The following NAALADL2 variants were observed in gnomAD, a reference collection of about 807,000 sequenced individuals.
The protein encoded by NAALADL2 is N-acetylated alpha-linked acidic dipeptidase like 2, also known as inactive N-acetylated-alpha-linked acidic dipeptidase-like protein 2.
A neutral mutation model predicts 87.2 loss-of-function variants in NAALADL2; 76 were observed. That is an observed-to-expected ratio of 0.87 (90% CI 0.72 to 1.05). The LOEUF is 1.05. Ranked by LOEUF, NAALADL2 falls within the 50% of genes least tolerant of loss-of-function variation. The probability of loss-of-function intolerance (pLI) is 0.00; values close to 1 mark genes in which losing one functional copy is unlikely to be tolerated. For synonymous variants in NAALADL2, 354 were observed against 331.0 expected (o/e 1.07, Z -0.75); for missense variants, 1,089 against 945.8 (o/e 1.15, Z -1.99).
At chr3:175,395,914 CT>C (rs1340223064) in intron 5 of NAALADL2, among the ~76,000 whole-genome samples, 1 of 152,158 alleles carries the variant, frequency 6.6e-6, no homozygotes, top group Non-Finnish European at 1.5e-5. Context: ...TGAACTGCTT[CT>C]CTTCTAGTTC....
Position 174,950,846 on chromosome 3 carries a change from G to T in NAALADL2, c.43+91396G>T, listed in dbSNP as rs186735934. On this transcript the variant is annotated intron_variant, in intron 1 of 13. Transcript: ENST00000454872. ...AATTAAGGAGCTTACAAAATAATTT[G>T]TAATTTAATTTCATTTGAATCAAAT... Among the ~76,000 whole-genome samples the T allele has an allele frequency of 2.1e-3, 324 of 152,182 alleles. 1 individual carries two copies. Among genetic ancestry groups the T allele is most frequent in the Admixed American group, 0.019 (287 of 15,276 alleles).
At chr3:174,467,486 G>A (rs993727728) in intron 1 of NAALADL2, among the ~76,000 whole-genome samples, 1 of 151,242 alleles carries the variant, frequency 6.6e-6, no homozygotes, top group African/African-American at 2.4e-5. Context: ...CCAGCTACTC[G>A]GGAAGCTGAA....
At position 175,265,478 on chromosome 3, in the gene NAALADL2, G is replaced by A. The variant is rs73881453; in HGVS notation, c.939+8948G>A. On this transcript the variant is annotated intron_variant, in intron 4 of 13. Coordinates refer to ENST00000454872, the MANE Select transcript of NAALADL2 (RefSeq NM_207015.3). Reference sequence around the variant, plus strand: ...ACTATATATATGGCTCTAAGTTCTCGCTCATTTTCTCTTTTTGTCTGACTG... The same window carrying A: ...ACTATATATATGGCTCTAAGTTCTCACTCATTTTCTCTTTTTGTCTGACTG... Among the ~76,000 whole-genome samples, 454 of 151,518 alleles carry A rather than the reference G, an allele frequency of 3.0e-3. 3 individuals are homozygous for A. Among genetic ancestry groups the A allele is most frequent in the Middle Eastern group, 0.024 (7 of 294 alleles).
At chr3:175,567,010 A>T (rs1226497741) in intron 9 of NAALADL2, among the ~76,000 whole-genome samples, 1 of 152,152 alleles carries the variant, frequency 6.6e-6, no homozygotes, top group African/African-American at 2.4e-5. Flanking sequence ...CTACAATTTT[A>T]TGATTTAGAT....
chr3:175,220,367 A>G (rs986982124), intron 2 of NAALADL2, among the ~76,000 whole-genome samples: 1 of 151,812 alleles, frequency 6.6e-6, no homozygotes, highest in African/African-American at 2.4e-5. Flanking sequence ...AGGATATAAT[A>G]TTATAATTAA....
chr3:175,423,372 C>A (rs372709339), intron 5 of NAALADL2, among the ~76,000 whole-genome samples: 6 of 150,648 alleles, frequency 4.0e-5, no homozygotes, highest in African/African-American at 1.5e-4. Context: ...CCCATTAACT[C>A]GTCATTTAAC....
intron 11 of NAALADL2, among the ~76,000 whole-genome samples, chr3:175,710,568 G>A (rs1297082819): frequency 2.0e-5 from 3 of 147,860 alleles, no homozygotes; most frequent in Non-Finnish European, 4.4e-5. Context: ...ATTTATATAT[G>A]TGTAAATACG....
In NAALADL2 at chr3:175,281,340, T is replaced by C. The variant is rs75809125; in HGVS notation, c.939+24810T>C. On this transcript the variant is annotated intron_variant, in intron 4 of 13. Transcript: ENST00000454872. ...CCAGTTAAGGTTTAATTGCCTCTTA[T>C]AGTAATATTTTCCATGTATAAGATT... Among the ~76,000 whole-genome samples the C allele has an allele frequency of 8.7e-3, 1,325 of 152,006 alleles. 23 individuals carry two copies. The highest frequency in any genetic ancestry group is 0.03 in the African/African-American group (1,254 of 41,530).
intron 9 of NAALADL2, among the ~76,000 whole-genome samples, chr3:175,552,272 G>A (rs1714535602): frequency 6.6e-6 from 1 of 152,008 alleles, no homozygotes; most frequent in African/African-American, 2.4e-5. Flanking sequence ...CTTTATTAGA[G>A]GTGTCTAAAA....
chr3:174,811,360 G>A (rs1720181604), intron 3 of NAALADL2, among the ~76,000 whole-genome samples: 1 of 152,158 alleles, frequency 6.6e-6, no homozygotes, highest in African/African-American at 2.4e-5. Flanking sequence ...ACCCTGTAAA[G>A]CCACAGGGAT....
chr3:175,150,348 T>C (rs1731365865), intron 2 of NAALADL2, among the ~76,000 whole-genome samples: 1 of 152,158 alleles, frequency 6.6e-6, no homozygotes, highest in African/African-American at 2.4e-5. Flanking sequence ...ACTGTCAGAT[T>C]TTGTACCATT....
intron 11 of NAALADL2, among the ~76,000 whole-genome samples, chr3:175,709,788 C>G (rs188328539): frequency 1.3e-5 from 2 of 152,154 alleles, no homozygotes; most frequent in African/African-American, 4.8e-5. Context: ...AACCCCCAAA[C>G]AGCCTGTTTC....
At position 175,044,531 on chromosome 3, in the gene NAALADL2, A is replaced by G. The variant is rs115224289; in HGVS notation, c.44-52259A>G. 2.6e-3 allele frequency among the ~76,000 whole-genome samples: 395 copies of G among 152,276 alleles called. 1 individual carries two copies. Among genetic ancestry groups the G allele is most frequent in the African/African-American group, 8.8e-3 (364 of 41,568 alleles). ...TATTCCTGGTAAACTATTAATCATA[A>G]AAGTTTTGAGCTGCCACATAAAACA... On this transcript the variant is annotated intron_variant, in intron 1 of 13. Coordinates refer to ENST00000454872, the MANE Select transcript of NAALADL2 (RefSeq NM_207015.3).
chr3:175,273,169 C>T (rs1264841197), intron 4 of NAALADL2, among the ~76,000 whole-genome samples: 1 of 151,834 alleles, frequency 6.6e-6, no homozygotes, highest in Non-Finnish European at 1.5e-5. Flanking sequence ...TTATAATTTG[C>T]CTCTAGGTTT....
At chr3:174,897,173 T>C (rs1411280950) in intron 1 of NAALADL2, among the ~76,000 whole-genome samples, 2 of 152,094 alleles carry the variant, frequency 1.3e-5, no homozygotes, top group African/African-American at 4.8e-5. Context: ...AATTGAATCA[T>C]GTCAAGTTAA....
chr3:175,076,386 G>C (rs1309835281), intron 1 of NAALADL2, among the ~76,000 whole-genome samples: 1 of 149,722 alleles, frequency 6.7e-6, no homozygotes, highest in Non-Finnish European at 1.5e-5. Context: ...GTTCTTAAAA[G>C]GGGCAGAGAC....
intron 1 of NAALADL2, among the ~76,000 whole-genome samples, chr3:175,090,560 C>T (rs1174168384): frequency 3.8e-5 from 5 of 131,712 alleles, no homozygotes; most frequent in African/African-American, 1.4e-4. Context: ...CTGGATTTCA[C>T]CAATGATTTT....
chr3:175,588,059 G>T (rs1156263386), intron 10 of NAALADL2, among the ~76,000 whole-genome samples: 11 of 149,054 alleles, frequency 7.4e-5, no homozygotes, highest in Non-Finnish European at 1.6e-4. Context: ...ACACATCTAT[G>T]TTGATTTAAC....
chr3:174,980,115 G>C (rs1744920012), intron 1 of NAALADL2, among the ~76,000 whole-genome samples: 2 of 152,106 alleles, frequency 1.3e-5, no homozygotes, highest in African/African-American at 4.8e-5. Context: ...GCCTCCTTCT[G>C]GAGGCCACCT....
Sources: allele counts gnomAD v4.1 joint callset (sites outside exome capture counted in the v4.1 genomes callset), GRCh38; gene constraint gnomAD v4.1.1; transcripts MANE v1.5; gene names NCBI Gene and HGNC (gene_info 2026-07-23, HGNC 2026-07-21).